Variants in KLF8 observed in about 807,000 individuals in gnomAD.
The protein encoded by KLF8 is KLF transcription factor 8.
A neutral mutation model predicts 18.2 loss-of-function variants in KLF8; 10 were observed. The observed-to-expected ratio is 0.55, with a 90% CI of 0.34 to 0.93. KLF8 has a LOEUF of 0.93. KLF8 is among the 40% of genes least tolerant of loss of function. The pLI is 0.02. For synonymous variants in KLF8, 109 were observed against 97.3 expected (o/e 1.12, Z -0.71); for missense variants, 264 against 277.9 (o/e 0.95, Z 0.36).
chrX:56,170,132 C>A, the KLF8 span, among the ~76,000 whole-genome samples: 2 of 111,253 alleles, frequency 1.8e-5, no homozygotes, highest in Non-Finnish European at 3.8e-5. Flanking sequence ...CATTAGTGGA[C>A]TTGGGGTGCC....
At chrX:55,910,432 G>T in the KLF8 span, among the ~76,000 whole-genome samples, 2 of 111,257 alleles carry the variant, frequency 1.8e-5, no homozygotes, top group Non-Finnish European at 3.8e-5. Context: ...TGATTTTAAA[G>T]AATATATCTG....
chrX:55,964,912 A>G, the KLF8 span, among the ~76,000 whole-genome samples: 1 of 111,493 alleles, frequency 9.0e-6, no homozygotes. Flanking sequence ...ATCCCTAATA[A>G]AAAATACCTA....
chrX:56,154,191 G>A, the KLF8 span, among the ~76,000 whole-genome samples: 3 of 111,373 alleles, frequency 2.7e-5, no homozygotes, highest in Non-Finnish European at 5.6e-5. Flanking sequence ...ATACTACAAG[G>A]CTACAGTAAC....
At chrX:56,197,321 A>G in the KLF8 span, among the ~76,000 whole-genome samples, 1 of 111,424 alleles carries the variant, frequency 9.0e-6, no homozygotes, top group Non-Finnish European at 1.9e-5. Flanking sequence ...TTTTGAAAAG[A>G]TCAACAAAAT....
intron 5 of KLF8, among the ~76,000 whole-genome samples, chrX:56,270,634 G>T (rs987054361): frequency 3.6e-5 from 4 of 111,091 alleles, no homozygotes; most frequent in African/African-American, 1.3e-4. Flanking sequence ...TGAGCCCTGT[G>T]GGTCTTTCTA....
Position 56,287,897 on chromosome X carries a change from C to T in KLF8, c.*3403C>T, listed in dbSNP as rs894760009. On this transcript the variant is annotated 3_prime_UTR_variant, in exon 6 of 6. Transcript: ENST00000468660. ...ATATGTTAATATTATTAACTGAAGT[C>T]CATACTTTATTCAGGTTTCTTTAGT... is the stretch of plus-strand genomic sequence containing the variant. 9 of 109,409 alleles carry T rather than the reference C, an allele frequency of 8.2e-5. 1 individual carries two copies. The highest frequency in any genetic ancestry group is 4.8e-4 in the Admixed American group (5 of 10,353). 9.0% of individuals were successfully genotyped at this position (109,409 alleles called of 1,213,427 possible). A position where few individuals can be genotyped will look rare whatever the true frequency, so the allele number is the denominator to read the frequency against.
chrX:55,933,984 G>C, the KLF8 span, among the ~76,000 whole-genome samples: 1 of 111,994 alleles, frequency 8.9e-6, no homozygotes, highest in Non-Finnish European at 1.9e-5. Context: ...TCAATTATAA[G>C]ATAAATGTTT....
chrX:56,254,515 T>C (rs1350558746), intron 2 of KLF8, among the ~76,000 whole-genome samples: 1 of 112,107 alleles, frequency 8.9e-6, no homozygotes. Context: ...AGAGGGTCAG[T>C]GTGACAGCCT....
chrX:56,010,401 C>T, the KLF8 span, among the ~76,000 whole-genome samples: 1 of 112,136 alleles, frequency 8.9e-6, no homozygotes, highest in Non-Finnish European at 1.9e-5. Flanking sequence ...CCTTTTCAGA[C>T]AAGCAAATGC....
the KLF8 span, among the ~76,000 whole-genome samples, chrX:55,929,057 C>T: frequency 1.8e-5 from 2 of 112,117 alleles, no homozygotes; most frequent in East Asian, 2.8e-4. Context: ...TTTTAATGAT[C>T]GCCATTCTAA....
the KLF8 span, chrX:55,961,717 G>A: frequency 1.3e-5 from 5 of 382,521 alleles, no homozygotes; most frequent in Admixed American, 3.3e-5. Flanking sequence ...ATGCTGGCAT[G>A]CAGCTACAAA....
chrX:56,207,218 T>G, the KLF8 span, among the ~76,000 whole-genome samples: 1 of 112,706 alleles, frequency 8.9e-6, no homozygotes, highest in Non-Finnish European at 1.9e-5. Flanking sequence ...GGAGACATTT[T>G]CCCCATTGTA....
chrX:56,052,469 G>T, the KLF8 span, among the ~76,000 whole-genome samples: 6 of 111,882 alleles, frequency 5.4e-5, no homozygotes, highest in South Asian at 2.2e-3. Context: ...CTTTCTGTTT[G>T]TTAGTTTTCC....
chrX:56,058,175 TACACAC>T, the KLF8 span, among the ~76,000 whole-genome samples: 2 of 91,019 alleles, frequency 2.2e-5, no homozygotes, highest in African/African-American at 8.3e-5. Context: ...TATATATATA[TACACAC>T]ATATATATAT....
At chrX:56,084,768 G>C in the KLF8 span, among the ~76,000 whole-genome samples, 1 of 112,223 alleles carries the variant, frequency 8.9e-6, no homozygotes, top group Non-Finnish European at 1.9e-5. Flanking sequence ...GTGCCAGTTA[G>C]AGAGAAAAGC....
chrX:56,038,341 T>A, the KLF8 span, among the ~76,000 whole-genome samples: 2 of 111,890 alleles, frequency 1.8e-5, no homozygotes, highest in Non-Finnish European at 3.8e-5. Flanking sequence ...AAGCCCAGCA[T>A]CCATTAGCTA....
chrX:56,002,607 C>A, the KLF8 span, among the ~76,000 whole-genome samples: 5 of 111,753 alleles, frequency 4.5e-5, no homozygotes, highest in Admixed American at 9.5e-5. Context: ...TTCTTAAGCA[C>A]CTATGTTTTC....
chrX:56,255,129 T>C (rs2066772354), intron 2 of KLF8, among the ~76,000 whole-genome samples: 1 of 112,760 alleles, frequency 8.9e-6, no homozygotes, highest in African/African-American at 3.2e-5. Flanking sequence ...TGTAGACATC[T>C]CCCACTTCTT....
chrX:56,152,929 A>T, the KLF8 span, among the ~76,000 whole-genome samples: 3 of 112,042 alleles, frequency 2.7e-5, no homozygotes, highest in Non-Finnish European at 3.8e-5. Flanking sequence ...AGCATAGCAT[A>T]AGAATCCAAA....
Sources: allele counts gnomAD v4.1 joint callset (sites outside exome capture counted in the v4.1 genomes callset), GRCh38; gene constraint gnomAD v4.1.1; transcripts MANE v1.5; gene names NCBI Gene and HGNC (gene_info 2026-07-23, HGNC 2026-07-21).